Variants in MME observed in about 807,000 individuals in gnomAD.
MME encodes membrane metalloendopeptidase.
In MME, 98 loss-of-function variants were observed where a neutral mutation model predicts 113.2. The observed-to-expected ratio is 0.87, with a 90% CI of 0.74 to 1.02. The LOEUF (loss-of-function observed/expected upper bound fraction) is 1.02, where lower values mean the gene tolerates loss of function less well. Ranked by LOEUF, MME falls within the 50% of genes least tolerant of loss-of-function variation. The pLI is 0.00. For synonymous variants in MME, 292 were observed against 300.6 expected (o/e 0.97, Z 0.30); for missense variants, 836 against 896.0 (o/e 0.93, Z 0.86).
intron 3 of MME, among the ~76,000 whole-genome samples, chr3:155,092,260 G>T (rs1287116560): frequency 1.3e-5 from 2 of 152,128 alleles, no homozygotes; most frequent in African/African-American, 4.8e-5. Context: ...CAGCTATCTG[G>T]ATATCTCTTA....
At chr3:155,076,788 T>G (rs1229657532), upstream of MME, among the ~76,000 whole-genome samples, 1 of 152,194 alleles carries the variant, frequency 6.6e-6, no homozygotes, top group African/African-American at 2.4e-5. Context: ...GTCCCTCCCC[T>G]TTTTAAACTA....
intron 5 of MME, 31 bp downstream of exon 5, chr3:155,116,590 G>A (rs201323950): frequency 8.1e-6 from 10 of 1,240,782 alleles, no homozygotes; most frequent in South Asian, 2.9e-5. Flanking sequence ...TTCATTAGGA[G>A]TATATATATA....
chr3:155,129,349 C>A (rs1252225532), intron 8 of MME, among the ~76,000 whole-genome samples: 1 of 152,130 alleles, frequency 6.6e-6, no homozygotes, highest in Non-Finnish European at 1.5e-5. Context: ...TTCTTTGATC[C>A]TTCCTTCCAG....
intron 1 of MME, among the ~76,000 whole-genome samples, chr3:155,059,169 C>T (rs990424384): frequency 6.0e-5 from 9 of 149,428 alleles, no homozygotes; most frequent in Admixed American, 1.3e-4. Context: ...GCTGGAGAAT[C>T]GCTTGAACCC....
At chr3:155,047,609 G>A (rs759582794) in intron 1 of MME, among the ~76,000 whole-genome samples, 1 of 152,082 alleles carries the variant, frequency 6.6e-6, no homozygotes, top group Non-Finnish European at 1.5e-5. Flanking sequence ...TCTACAACAT[G>A]TTGCCTTAGT....
upstream of MME, among the ~76,000 whole-genome samples, chr3:155,076,182 T>C (rs1277581465): frequency 2.6e-5 from 4 of 152,192 alleles, no homozygotes; most frequent in Non-Finnish European, 4.4e-5. Context: ...CTACATCCAT[T>C]TGAAGTCTGG....
chr3:155,101,708 A>G (rs1183829354), intron 3 of MME, among the ~76,000 whole-genome samples: 1 of 152,132 alleles, frequency 6.6e-6, no homozygotes, highest in Non-Finnish European at 1.5e-5. Context: ...TCTGCTGGTT[A>G]TAGCTCCCTC....
chr3:155,106,865 TC>T (rs1717730796), intron 3 of MME, among the ~76,000 whole-genome samples: 1 of 152,174 alleles, frequency 6.6e-6, no homozygotes, highest in Non-Finnish European at 1.5e-5. Context: ...GCTCCTGGGT[TC>T]CCCAACATTT....
intron 3 of MME, among the ~76,000 whole-genome samples, chr3:155,101,683 G>A (rs1717240855): frequency 6.6e-6 from 1 of 151,950 alleles, no homozygotes; most frequent in African/African-American, 2.4e-5. Context: ...AGTTTCCTTG[G>A]ATCAACACAC....
chr3:155,167,845 A>G (rs1021558074), intron 18 of MME, among the ~76,000 whole-genome samples: 1 of 152,212 alleles, frequency 6.6e-6, no homozygotes, highest in Non-Finnish European at 1.5e-5. Flanking sequence ...AAGGTAACAA[A>G]GATAGGAACT....
At chr3:155,080,759 C>T (rs1715072136) in intron 1 of MME, among the ~76,000 whole-genome samples, 1 of 152,096 alleles carries the variant, frequency 6.6e-6, no homozygotes, top group Admixed American at 6.5e-5. Context: ...TCGATCAAGT[C>T]GATTCCTCCC....
chr3:155,159,461 G>T, intron 16 of MME, among the ~76,000 whole-genome samples: 1 of 151,974 alleles, frequency 6.6e-6, no homozygotes, highest in East Asian at 1.9e-4. Flanking sequence ...AGCAAGTAAC[G>T]ATATATGTAG....
chr3:155,106,396 T>G (rs1717688227), intron 3 of MME, among the ~76,000 whole-genome samples: 1 of 152,170 alleles, frequency 6.6e-6, no homozygotes, highest in African/African-American at 2.4e-5. Flanking sequence ...AAAAGCAATT[T>G]GGGGGCAGGC....
chr3:155,105,482 C>T (rs1349561097), intron 3 of MME, among the ~76,000 whole-genome samples: 1 of 152,058 alleles, frequency 6.6e-6, no homozygotes, highest in Non-Finnish European at 1.5e-5. Flanking sequence ...ACATTGGTGA[C>T]GTTGAGTTTG....
At chr3:155,161,148 C>T (rs1722695181) in intron 17 of MME, among the ~76,000 whole-genome samples, 1 of 151,998 alleles carries the variant, frequency 6.6e-6, no homozygotes, top group African/African-American at 2.4e-5. Context: ...TTGGGAAGGC[C>T]TGGACATCTT....
At chr3:155,128,344 C>A (rs1408607350) in intron 8 of MME, among the ~76,000 whole-genome samples, 1 of 152,306 alleles carries the variant, frequency 6.6e-6, no homozygotes, top group South Asian at 2.1e-4. Flanking sequence ...GTTTCCCCTG[C>A]ATTTCTGGCA....
intron 1 of MME, among the ~76,000 whole-genome samples, chr3:155,069,135 T>A (rs1303750059): frequency 6.6e-6 from 1 of 152,116 alleles, no homozygotes; most frequent in Non-Finnish European, 1.5e-5. Flanking sequence ...CTAATTTTTG[T>A]AGGTTTGGGA....
At chr3:155,133,154 A>G (rs1388934634) in intron 8 of MME, among the ~76,000 whole-genome samples, 2 of 150,264 alleles carry the variant, frequency 1.3e-5, no homozygotes, top group African/African-American at 4.9e-5. Flanking sequence ...ATCATAATAA[A>G]GAAAATTAAA....
intron 3 of MME, among the ~76,000 whole-genome samples, chr3:155,098,886 G>A (rs1474525827): frequency 2.0e-5 from 3 of 152,028 alleles, no homozygotes; most frequent in Non-Finnish European, 4.4e-5. Context: ...CAAGATGGTA[G>A]AACTTATGTG....
Sources: allele counts gnomAD v4.1 joint callset (sites outside exome capture counted in the v4.1 genomes callset), GRCh38; gene constraint gnomAD v4.1.1; transcripts MANE v1.5; gene names NCBI Gene and HGNC (gene_info 2026-07-23, HGNC 2026-07-21).